BABAM2: variants seen among roughly 807,000 people sequenced by gnomAD.
The protein encoded by BABAM2 is BRISC and BRCA1 A complex member 2.
Under a neutral mutation model 54.7 loss-of-function variants are expected in BABAM2, and 31 were observed. The observed-to-expected ratio is 0.57, with a 90% CI of 0.43 to 0.77. The LOEUF is 0.77. BABAM2 is among the 30% of genes least tolerant of loss of function. The pLI is 0.00. For synonymous variants in BABAM2, 167 were observed against 162.9 expected, an observed-to-expected ratio of 1.03 and a Z score of -0.19; for missense variants, 364 against 455.8, an observed-to-expected ratio of 0.80 and a Z score of 1.83.
intron 11 of BABAM2, among the ~76,000 whole-genome samples, chr2:28,328,704 C>T (rs111803486): frequency 6.6e-6 from 1 of 152,178 alleles, no homozygotes. Context: ...TCTAGTGGCA[C>T]TGGGGTTGGA....
At chr2:28,166,792 G>C (rs7580391) in intron 7 of BABAM2, among the ~76,000 whole-genome samples, 1 of 152,058 alleles carries the variant, frequency 6.6e-6, no homozygotes, top group Non-Finnish European at 1.5e-5. Context: ...ATCTCTTTTT[G>C]ATTTCTCTTA....
intron 3 of BABAM2, among the ~76,000 whole-genome samples, chr2:27,963,189 G>A (rs894228520): frequency 1.3e-5 from 2 of 152,162 alleles, no homozygotes; most frequent in Non-Finnish European, 2.9e-5. Flanking sequence ...AGAAGGAGAG[G>A]CCAGGCAAGG....
intron 7 of BABAM2, among the ~76,000 whole-genome samples, chr2:28,217,305 AC>A: frequency 6.6e-6 from 1 of 152,350 alleles, no homozygotes; most frequent in South Asian, 2.1e-4. Flanking sequence ...GCTTTGGAAG[AC>A]AGTGGATATG....
intron 3 of BABAM2, among the ~76,000 whole-genome samples, chr2:27,957,693 C>G (rs1035634720): frequency 2.0e-5 from 3 of 152,158 alleles, no homozygotes; most frequent in Admixed American, 6.5e-5. Context: ...GCCACAACAG[C>G]ATTTCCCATT....
At chr2:28,033,721 A>G (rs1250256810) in intron 5 of BABAM2, among the ~76,000 whole-genome samples, 1 of 152,000 alleles carries the variant, frequency 6.6e-6, no homozygotes, top group Non-Finnish European at 1.5e-5. Context: ...CAATAAGCAA[A>G]TTTGTGAATT....
intron 2 of BABAM2, among the ~76,000 whole-genome samples, chr2:27,905,524 G>A (rs887901549): frequency 3.3e-5 from 5 of 152,152 alleles, no homozygotes; most frequent in Admixed American, 2.6e-4. Context: ...GTAGTGCTTG[G>A]TCATAATGTT....
At chr2:27,932,881 A>C (rs11886375) in intron 3 of BABAM2, among the ~76,000 whole-genome samples, 38,042 of 152,090 alleles carry the variant, frequency 0.25, 5,681 homozygotes, top group East Asian at 0.62. Context: ...TTCCATCTGC[A>C]TTCTGTCTCT....
chr2:28,241,267 A>AAT, intron 8 of BABAM2, 56 bp from the exon 9 acceptor site: 1 of 1,510,876 alleles, frequency 6.6e-7, no homozygotes, highest in Non-Finnish European at 9.2e-7. Context: ...AATTTCTTAT[A>AAT]ATAAAGCATT....
chr2:28,162,156 A>G (rs1315494087), intron 7 of BABAM2, among the ~76,000 whole-genome samples: 3 of 152,210 alleles, frequency 2.0e-5, no homozygotes, highest in Non-Finnish European at 4.4e-5. Flanking sequence ...AGAAACTTGA[A>G]ATACCGTATT....
At chr2:27,890,465 T>C, upstream of BABAM2, 3 of 942,820 alleles carry the variant, frequency 3.2e-6, no homozygotes, top group Non-Finnish European at 4.8e-6. The surrounding 1 kb of genome is among the most constrained non-coding windows in gnomAD (Gnocchi z 4.8). Context: ...CCTACGCGGG[T>C]CGCCCACCTG....
chr2:28,133,044 A>C (rs1670226205), intron 7 of BABAM2, among the ~76,000 whole-genome samples: 1 of 152,258 alleles, frequency 6.6e-6, no homozygotes, highest in African/African-American at 2.4e-5. Context: ...TAATACCAAA[A>C]CAAACTACCA....
rs116509793 is a variant in BABAM2 at position 27,953,724 on chromosome 2, G to A, written c.205+23816G>A. Reference sequence around the variant, plus strand: ...AAAAGGAAGGGAACAAAATGTTTAAGTATGATCATGTTTTTAGTGATGGAA... The same window carrying A: ...AAAAGGAAGGGAACAAAATGTTTAAATATGATCATGTTTTTAGTGATGGAA... On this transcript the variant is annotated intron_variant, in intron 3 of 11. Coordinates refer to ENST00000379624, the MANE Select transcript of BABAM2 (RefSeq NM_199191.3). Among the ~76,000 whole-genome samples, 1,119 of 152,076 alleles carry A rather than the reference G, an allele frequency of 7.4e-3. 17 individuals are homozygous for A. Among genetic ancestry groups the A allele is most frequent in the African/African-American group, 0.024 (995 of 41,474 alleles).
At chr2:28,013,730 C>CACACACGT (rs1553411799) in intron 4 of BABAM2, among the ~76,000 whole-genome samples, 5 of 136,914 alleles carry the variant, frequency 3.7e-5, no homozygotes, top group Admixed American at 7.1e-5. Flanking sequence ...CACACACACA[C>CACACACGT]GTGTGTGTGT....
chr2:27,970,598 C>T (rs567243618), intron 3 of BABAM2, among the ~76,000 whole-genome samples: 125 of 152,196 alleles, frequency 8.2e-4, no homozygotes, highest in African/African-American at 3.0e-3. Context: ...CATTTTTCTC[C>T]TATAGAATCT....
At chr2:28,156,794 G>GA (rs963324367) in intron 7 of BABAM2, among the ~76,000 whole-genome samples, 5 of 151,646 alleles carry the variant, frequency 3.3e-5, no homozygotes, top group South Asian at 2.1e-4. Context: ...TGGTTGAATT[G>GA]AAAAAAAATT....
chr2:28,015,708 T>A (rs1674751591), intron 4 of BABAM2: 1 of 967,506 alleles, frequency 1.0e-6, no homozygotes, highest in Non-Finnish European at 1.3e-6. Flanking sequence ...CCTCAGACAT[T>A]GTGCTTTCTT....
At chr2:27,978,447 C>T (rs56403309) in intron 3 of BABAM2, among the ~76,000 whole-genome samples, 11,842 of 152,160 alleles carry the variant, frequency 0.078, 785 homozygotes, top group African/African-American at 0.18. Flanking sequence ...CAAAAATGGA[C>T]GGACACAAAC....
chr2:27,996,768 G>A (rs1023532411), intron 4 of BABAM2, among the ~76,000 whole-genome samples: 9 of 152,108 alleles, frequency 5.9e-5, no homozygotes, highest in Non-Finnish European at 1.0e-4. Context: ...AATGTCCCCA[G>A]GGTAGGAGCA....
At chr2:28,314,358 C>T (rs1186206864) in intron 11 of BABAM2, among the ~76,000 whole-genome samples, 1 of 152,136 alleles carries the variant, frequency 6.6e-6, no homozygotes, top group Admixed American at 6.5e-5. Context: ...GAGCATATAC[C>T]TTGGCTTTCC....
Sources: gnomAD v4.1 joint callset for allele counts (sites outside exome capture counted in the v4.1 genomes callset) on GRCh38, gnomAD v4.1.1 for gene constraint, Gnocchi (gnomAD v3.1) non-coding constraint, MANE v1.5 for transcripts, NCBI Gene and HGNC (gene_info 2026-07-23, HGNC 2026-07-21) for gene names.